DHDDS: variants seen among roughly 807,000 people sequenced by gnomAD.
The protein encoded by DHDDS is dehydrodolichyl diphosphate synthase complex subunit DHDDS.
A neutral mutation model predicts 46.2 loss-of-function variants in DHDDS; 16 were observed. The ratio of observed to expected loss-of-function variants is 0.35; its 90% CI spans 0.23 to 0.53. The LOEUF (loss-of-function observed/expected upper bound fraction) is 0.53. Among genes scored for constraint, DHDDS ranks in the 20% least tolerant of loss-of-function variants. DHDDS has a pLI of 0.94. For missense variants in DHDDS, 340 were observed against 423.7 expected, an observed-to-expected ratio of 0.80 and a Z score of 1.73; for synonymous variants, 151 against 163.1, an observed-to-expected ratio of 0.93 and a Z score of 0.56.
intron 3 of DHDDS, chr1:26,438,769 T>C (rs1358258301): frequency 5.8e-6 from 1 of 171,314 alleles, no homozygotes; most frequent in East Asian, 1.5e-4. Flanking sequence ...ATCCAGTGAA[T>C]GACCATAAAA....
intron 8 of DHDDS, among the ~76,000 whole-genome samples, chr1:26,461,471 C>T (rs1379428746): frequency 1.3e-5 from 2 of 151,890 alleles, no homozygotes; most frequent in East Asian, 1.9e-4. Flanking sequence ...CCGAAACCTC[C>T]GCCTCCCGGG....
intron 6 of DHDDS, among the ~76,000 whole-genome samples, chr1:26,456,528 G>A (rs2075371760): frequency 1.3e-5 from 2 of 152,116 alleles, no homozygotes; most frequent in Admixed American, 1.3e-4. Flanking sequence ...AAGTAGCTGG[G>A]ACTACAGGCA....
At chr1:26,436,083 C>T (rs1435581683) in intron 2 of DHDDS, among the ~76,000 whole-genome samples, 1 of 151,432 alleles carries the variant, frequency 6.6e-6, no homozygotes, top group Non-Finnish European at 1.5e-5. Context: ...AAGGTACCAT[C>T]TTCATTTGAC....
In DHDDS at chr1:26,442,754, G is replaced by A. The variant is rs749848172; in HGVS notation, c.204G>A (p.Leu68=). ...LAETLRWCLN[L]GILEVTVYAF... is the part of the protein sequence containing the mutation. Reference sequence around the variant, plus strand: ...AGACTCTGCGGTGGTGTTTGAACCTGGGCATCCTAGAGGTGACAGTCTACG... The same window carrying A: ...AGACTCTGCGGTGGTGTTTGAACCTAGGCATCCTAGAGGTGACAGTCTACG... Residue 68 remains leucine (L), a synonymous_variant, in exon 4 of 9, where the codon CTG becomes CTA. Transcript: ENST00000236342. 2 of 1,614,036 alleles carry A rather than the reference G, an allele frequency of 1.2e-6. No homozygotes were observed.
chr1:26,462,060 T>C (rs78087874), intron 8 of DHDDS, among the ~76,000 whole-genome samples: 1 of 151,372 alleles, frequency 6.6e-6, no homozygotes, highest in South Asian at 2.1e-4. Context: ...GTGCTATTTT[T>C]TGTTTTTTTT....
chr1:26,438,010 C>CA (rs2075178522), intron 2 of DHDDS, among the ~76,000 whole-genome samples, 158 bp from the exon 3 acceptor site: 1 of 152,148 alleles, frequency 6.6e-6, no homozygotes, highest in African/African-American at 2.4e-5. Context: ...AGTAAGTAAA[C>CA]TTTAATGTCT....
At chr1:26,463,376 C>T (rs756929137) in intron 8 of DHDDS, 1 of 152,184 alleles carries the variant, frequency 6.6e-6, no homozygotes, top group Non-Finnish European at 1.5e-5. Context: ...TTCAGCTTAC[C>T]TGAACACAGT....
intron 5 of DHDDS, among the ~76,000 whole-genome samples, chr1:26,447,202 C>A (rs985036072): frequency 6.6e-6 from 1 of 152,120 alleles, no homozygotes; most frequent in African/African-American, 2.4e-5. Flanking sequence ...CACCTGTAAT[C>A]CCAGCTACTC....
chr1:26,458,380 G>A (rs2075390860), intron 7 of DHDDS, among the ~76,000 whole-genome samples: 1 of 152,220 alleles, frequency 6.6e-6, no homozygotes, highest in South Asian at 2.1e-4. Flanking sequence ...TGTTCTGGGA[G>A]AGACTCCATT....
At chr1:26,461,949 C>A (rs1570361473) in intron 8 of DHDDS, among the ~76,000 whole-genome samples, 1 of 152,220 alleles carries the variant, frequency 6.6e-6, no homozygotes, top group South Asian at 2.1e-4. Context: ...AAAACTTTAC[C>A]CTTTTTTGAT....
At position 26,471,163 on chromosome 1, in the gene DHDDS, C is replaced by T. The variant is rs1055323; in HGVS notation, c.*2032C>T. On this transcript the variant is annotated 3_prime_UTR_variant, in exon 9 of 9. Transcript: ENST00000236342. ...TTGGACAGGTGTGATTTGTGCAAGCCAGGTTCAACCCTTGCCTCAAGAAAT... is the reference window on the plus strand; with the variant it reads ...TTGGACAGGTGTGATTTGTGCAAGCTAGGTTCAACCCTTGCCTCAAGAAAT... 0.2 allele frequency: 31,076 copies of T among 152,116 alleles called. 3,877 individuals are homozygous for T. Among genetic ancestry groups the T allele is most frequent in the Middle Eastern group, 0.28 (81 of 292 alleles). The allele number at this position is 152,116 out of a possible 1,614,324, so 9.4% of individuals were successfully genotyped here.
chr1:26,453,843 C>G lies in DHDDS; in HGVS notation c.543-3948C>G, dbSNP rs559181637. On this transcript the variant is annotated intron_variant, in intron 6 of 8. Transcript: ENST00000236342. ...GTAAATCATTTCCGAAAAGTCTTCA[C>G]GTAGACAGCTTTAACTCACCATTCC... Among the ~76,000 whole-genome samples, 3 of 152,184 alleles carry G rather than the reference C, an allele frequency of 2.0e-5. No individual in the cohort carries two copies. The East Asian group carries it at 5.8e-4, about 29-fold the overall frequency.
chr1:26,468,800 GCCCACCCTGT>G, intron 8 of DHDDS, 85 bp from the exon 9 acceptor site: 1 of 1,404,492 alleles, frequency 7.1e-7, no homozygotes, highest in Non-Finnish European at 9.7e-7. Context: ...ACTTCACTTG[GCCCACCCTGT>G]GCCCCACCCC....
chr1:26,464,855 TA>T (rs2075465909), intron 8 of DHDDS, among the ~76,000 whole-genome samples: 1 of 152,190 alleles, frequency 6.6e-6, no homozygotes, highest in Non-Finnish European at 1.5e-5. Context: ...GGCAAGGGGC[TA>T]GGCTCTGGAC....
intron 6 of DHDDS, among the ~76,000 whole-genome samples, chr1:26,451,403 GATGTGTGTGTGTGTGTGTGT>G (rs1334023669): frequency 3.9e-5 from 4 of 102,212 alleles, no homozygotes; most frequent in Admixed American, 9.9e-5. Context: ...TATGTATGTA[GATGTGTGTGTGTGTGTGTGT>G]GTGTGTGTGT....
chr1:26,436,827 A>C (rs917280150), intron 2 of DHDDS, among the ~76,000 whole-genome samples: 7 of 152,106 alleles, frequency 4.6e-5, no homozygotes, highest in South Asian at 2.1e-4. Context: ...TGAAAGATTA[A>C]CTCTGGAAGC....
At chr1:26,442,969 T>G (rs1204993274) in intron 4 of DHDDS, 96 bp downstream of exon 4, 7 of 1,587,812 alleles carry the variant, frequency 4.4e-6, no homozygotes, top group Non-Finnish European at 5.1e-6. Flanking sequence ...CTTAAGGGAC[T>G]TGCAACTCTT....
At chr1:26,459,737 GA>G (rs1267935418) in intron 7 of DHDDS, among the ~76,000 whole-genome samples, 1 of 152,212 alleles carries the variant, frequency 6.6e-6, no homozygotes, top group Non-Finnish European at 1.5e-5. Flanking sequence ...ACATAATCCA[GA>G]TGTTATTTCA....
At chr1:26,436,002 G>T (rs962159578) in intron 2 of DHDDS, among the ~76,000 whole-genome samples, 19 of 152,030 alleles carry the variant, frequency 1.2e-4, no homozygotes, top group Non-Finnish European at 2.4e-4. Context: ...CACCCACCTT[G>T]GCCTCCCAAA....
Sources: allele counts gnomAD v4.1 joint callset (sites outside exome capture counted in the v4.1 genomes callset), GRCh38; gene constraint gnomAD v4.1.1; transcripts MANE v1.5; gene names NCBI Gene and HGNC (gene_info 2026-07-23, HGNC 2026-07-21).